The following BCCIP variants were observed in gnomAD, a reference collection of about 807,000 sequenced individuals.
BCCIP encodes the protein BRCA2 and CDKN1A-interacting protein.
A neutral mutation model predicts 32.8 loss-of-function variants in BCCIP; 23 were observed. That is an observed-to-expected ratio of 0.70 (90% confidence interval 0.51 to 0.99). The LOEUF (loss-of-function observed/expected upper bound fraction) is 0.99, where lower values mean the gene tolerates loss of function less well. BCCIP is among the 50% of genes least tolerant of loss of function. The pLI is 0.00. For missense variants in BCCIP, 378 were observed against 379.8 expected (o/e 1.00, Z 0.04); for synonymous variants, 144 against 137.6 (o/e 1.05, Z -0.33).
chr10:125,849,292 C>A (rs1421470271), intron 7 of BCCIP, among the ~76,000 whole-genome samples: 1 of 152,186 alleles, frequency 6.6e-6, no homozygotes, highest in Non-Finnish European at 1.5e-5. Context: ...AATGATAAGC[C>A]ATATAGTTCC....
At chr10:125,839,019 C>T, downstream of BCCIP, 1 of 1,614,000 alleles carries the variant, frequency 6.2e-7, no homozygotes, top group African/African-American at 1.3e-5. Context: ...AGTAACCGGA[C>T]AGAAGAGCTT....
chr10:125,852,315 G>A (rs993927188), intron 7 of BCCIP: 21 of 1,614,014 alleles, frequency 1.3e-5, no homozygotes, highest in Non-Finnish European at 1.8e-5. Context: ...TGAAGTCACA[G>A]TGGCCTAGGC....
At position 125,836,472 on chromosome 10, in the gene BCCIP, A is replaced by C. The variant is rs1854688530; in HGVS notation, c.*198A>C. The C allele has an allele frequency of 5.7e-6, 8 of 1,394,436 alleles. 1 individual carries two copies. The East Asian group carries it at 2.1e-4, about 36-fold the overall frequency. The allele number at this position is 1,394,436 out of a possible 1,614,324, so 86.4% of individuals were successfully genotyped here. On this transcript the variant is annotated 3_prime_UTR_variant, in exon 7 of 7. Transcript: ENST00000278100. The stretch of plus-strand genomic sequence containing the variant: ...TCAAATTATGAGTGGTTGATTTAAA[A>C]ACTTTTCCAAGAAGAAGAAAAGCAT...
chr10:125,853,233 C>T (rs771453850), exon 8 of BCCIP: 10 of 1,605,678 alleles, frequency 6.2e-6, no homozygotes, highest in East Asian at 2.2e-5. Flanking sequence ...GTTGGAATTG[C>T]TCTGTCATAA....
At chr10:125,846,202 G>A (rs1944017387), downstream of BCCIP, among the ~76,000 whole-genome samples, 1 of 152,162 alleles carries the variant, frequency 6.6e-6, no homozygotes, top group Non-Finnish European at 1.5e-5. Flanking sequence ...TTACAGCCAG[G>A]AAGCTGGCCC....
At chr10:125,840,524 T>C (rs1410134630), downstream of BCCIP, among the ~76,000 whole-genome samples, 1 of 152,238 alleles carries the variant, frequency 6.6e-6, no homozygotes, top group East Asian at 1.9e-4. Context: ...TGTTCTTGTC[T>C]TCCTCCAAAG....
chr10:125,831,718 A>C (rs1461224872), intron 5 of BCCIP, 111 bp downstream of exon 5: 10 of 1,112,046 alleles, frequency 9.0e-6, no homozygotes, highest in Non-Finnish European at 1.1e-5. Context: ...TCCTTGGTTT[A>C]AGTGGGTTTA....
chr10:125,843,693 C>T (rs576746291), downstream of BCCIP, among the ~76,000 whole-genome samples: 3 of 152,280 alleles, frequency 2.0e-5, no homozygotes, highest in South Asian at 6.2e-4. Flanking sequence ...GCATTAGAAG[C>T]CACTACTGTA....
rs770253711 is a variant in BCCIP, at chr10:125,827,644, T to C, written c.321+6T>C. 3.2e-6 allele frequency: 5 copies of C among 1,587,156 alleles called. No homozygotes were observed. The highest frequency in any genetic ancestry group is 4.5e-5 in the East Asian group (2 of 44,718). On this transcript the variant is annotated splice_donor_region_variant and intron_variant, in intron 3 of 6. Coordinates refer to ENST00000278100, the MANE Select transcript of BCCIP (RefSeq NM_078468.3). ...ATATTGGGAGTGTGATTAAGGTAAG[T>C]AGGATAATTGTGTTTATTCTGATTA...
At chr10:125,841,041 T>C, downstream of BCCIP, 1 of 1,571,906 alleles carries the variant, frequency 6.4e-7, no homozygotes, top group South Asian at 1.2e-5. Context: ...ATGAAGACAT[T>C]TTATCTTAGC....
downstream of BCCIP, among the ~76,000 whole-genome samples, chr10:125,845,452 A>G (rs527588093): frequency 4.6e-5 from 7 of 152,324 alleles, no homozygotes; most frequent in East Asian, 1.9e-4. Flanking sequence ...TTAGTCTGCA[A>G]TTATTCCTGG....
downstream of BCCIP, chr10:125,838,192 TC>T (rs1169947455): frequency 3.2e-6 from 5 of 1,557,300 alleles, no homozygotes; most frequent in Admixed American, 6.7e-5. Context: ...CCCTTTCTTC[TC>T]CATTAAACTT....
At chr10:125,842,258 G>A (rs1329535681) in exon 7 of BCCIP, 7 of 284,444 alleles carry the variant, frequency 2.5e-5, no homozygotes, top group South Asian at 1.4e-4. Context: ...TAAGGTGGCC[G>A]GAACTCGCGG....
chr10:125,841,277 T>C, downstream of BCCIP: 1 of 1,614,148 alleles, frequency 6.2e-7, no homozygotes, highest in Non-Finnish European at 8.5e-7. Context: ...CCTGAGGTGC[T>C]TGGAGGTCCA....
At chr10:125,824,402 A>G (rs1055721532) in intron 1 of BCCIP, among the ~76,000 whole-genome samples, 2 of 152,232 alleles carry the variant, frequency 1.3e-5, no homozygotes, top group Non-Finnish European at 2.9e-5. Context: ...GAATGTTTAA[A>G]TAGATACCTC....
At chr10:125,838,523 C>G, downstream of BCCIP, 1 of 831,494 alleles carries the variant, frequency 1.2e-6, no homozygotes, top group East Asian at 2.8e-5. Context: ...ATGTTTCCTA[C>G]TTTCACATGT....
At chr10:125,841,733 T>C (rs1212242485) in exon 7 of BCCIP, 1 of 1,604,012 alleles carries the variant, frequency 6.2e-7, no homozygotes. Flanking sequence ...GGAATAGTCA[T>C]TAAGGATACC....
downstream of BCCIP, among the ~76,000 whole-genome samples, chr10:125,847,221 C>A (rs1460684951): frequency 2.6e-5 from 4 of 151,962 alleles, no homozygotes; most frequent in Non-Finnish European, 5.9e-5. Flanking sequence ...ACTGCCAGTT[C>A]CATACCATGG....
At chr10:125,826,409 C>G in intron 1 of BCCIP, 182 bp from the exon 2 acceptor site, 1 of 904,472 alleles carries the variant, frequency 1.1e-6, no homozygotes, top group Admixed American at 3.6e-5. Context: ...ACTGGACTTT[C>G]TCAACATTTA....
Sources: allele counts gnomAD v4.1 joint callset (sites outside exome capture counted in the v4.1 genomes callset), GRCh38; gene constraint gnomAD v4.1.1; transcripts MANE v1.5; gene names NCBI Gene and HGNC (gene_info 2026-07-23, HGNC 2026-07-21).